SMOC2: variants seen among roughly 807,000 people sequenced by gnomAD.
SMOC2 encodes SPARC related modular calcium binding 2.
Under a neutral mutation model 61.4 loss-of-function variants are expected in SMOC2, and 39 were observed. The observed-to-expected ratio is 0.64, with a 90% confidence interval of 0.49 to 0.83. SMOC2 has a LOEUF of 0.83. SMOC2 is among the 40% of genes least tolerant of loss of function. The pLI is 0.00. For missense variants in SMOC2, 556 were observed against 592.9 expected (o/e 0.94, Z 0.65); for synonymous variants, 247 against 239.9 (o/e 1.03, Z -0.27).
At position 168,496,053 on chromosome 6, in the gene SMOC2, C is replaced by T. The variant is rs947252965; in HGVS notation, c.85-13862C>T. On this transcript the variant is annotated intron_variant, in intron 1 of 12. Transcript: ENST00000356284. ...CTCTGTACTCCCTCCACAAAAGTCTCCAAGCTTCTCATCCTCCTGTAATTA... is the reference window on the plus strand; with the variant it reads ...CTCTGTACTCCCTCCACAAAAGTCTTCAAGCTTCTCATCCTCCTGTAATTA... Among the ~76,000 whole-genome samples the T allele has an allele frequency of 3.9e-5, 6 of 152,232 alleles. No homozygotes were observed. The East Asian group carries it at 1.2e-3, about 29-fold the overall frequency.
intron 1 of SMOC2, among the ~76,000 whole-genome samples, chr6:168,500,608 C>T (rs905852433): frequency 4.6e-5 from 7 of 152,078 alleles, no homozygotes; most frequent in East Asian, 1.9e-4. Flanking sequence ...GGTGGCTACG[C>T]GAATGTGGCT....
intron 7 of SMOC2, among the ~76,000 whole-genome samples, chr6:168,584,724 C>T (rs1785007629): frequency 6.6e-6 from 1 of 152,176 alleles, no homozygotes; most frequent in Non-Finnish European, 1.5e-5. Flanking sequence ...TTACTAGGAG[C>T]ACTTTTTCAG....
At chr6:168,613,903 C>A (rs1473210931) in intron 9 of SMOC2, among the ~76,000 whole-genome samples, 1 of 87,628 alleles carries the variant, frequency 1.1e-5, no homozygotes, top group Non-Finnish European at 2.3e-5. Context: ...ACACCTACAG[C>A]CAGCACAGGG....
chr6:168,478,210 G>A (rs751397959), intron 1 of SMOC2, among the ~76,000 whole-genome samples: 1 of 152,164 alleles, frequency 6.6e-6, no homozygotes, highest in Non-Finnish European at 1.5e-5. Context: ...AAGACCTAAA[G>A]TCCTCTTGGG....
chr6:168,650,861 A>G, intron 10 of SMOC2, 78 bp downstream of exon 10: 1 of 1,320,792 alleles, frequency 7.6e-7, no homozygotes, highest in Non-Finnish European at 1.0e-6. Context: ...TGAACATTAC[A>G]TATTGGCAAC....
At chr6:168,559,754 CG>C (rs1348716483) in intron 7 of SMOC2, among the ~76,000 whole-genome samples, 3 of 152,112 alleles carry the variant, frequency 2.0e-5, no homozygotes, top group Admixed American at 6.6e-5. Context: ...GAGCAATTAA[CG>C]ATTTATCTCG....
At chr6:168,519,600 C>G (rs1459474579) in intron 2 of SMOC2, among the ~76,000 whole-genome samples, 2 of 152,126 alleles carry the variant, frequency 1.3e-5, no homozygotes, top group Non-Finnish European at 1.5e-5. Flanking sequence ...CATCGCACAT[C>G]CAAAGGGCCT....
At chr6:168,615,616 C>T (rs866503878) in intron 9 of SMOC2, among the ~76,000 whole-genome samples, 20 of 80,884 alleles carry the variant, frequency 2.5e-4, no homozygotes, top group African/African-American at 7.1e-4. Flanking sequence ...GGCCTCTTCA[C>T]ACCTACAGCC....
In SMOC2 at chr6:168,664,075, C is replaced by A. The variant is rs776360382; in HGVS notation, c.1287C>A (p.Thr429=). The A allele has an allele frequency of 1.2e-6, 2 of 1,603,626 alleles. No homozygotes were observed. Among genetic ancestry groups the A allele is most frequent in the Admixed American group, 3.3e-5 (2 of 59,814 alleles). ...AATATCTTTTTTTTTTCCTGCTAGC[C>A]CCCAGAGGTCATGCTGAAAGTACGT... is the stretch of plus-strand genomic sequence containing the variant. ...DGKADTKKRH[T]PRGHAESTSN... Residue 429 remains threonine, a splice_region_variant and synonymous_variant, in exon 12 of 13, where the codon ACC becomes ACA. Transcript: ENST00000356284.
At chr6:168,551,372 C>A (rs1483747377) in intron 7 of SMOC2, among the ~76,000 whole-genome samples, 1 of 152,036 alleles carries the variant, frequency 6.6e-6, no homozygotes, top group East Asian at 1.9e-4. Context: ...ATGTTAGCAC[C>A]TAAACTTAAT....
At chr6:168,491,935 C>T (rs1262341413) in intron 1 of SMOC2, among the ~76,000 whole-genome samples, 2 of 152,144 alleles carry the variant, frequency 1.3e-5, no homozygotes, top group South Asian at 2.1e-4. Context: ...TAACCATTTT[C>T]GAGCCACCCA....
Position 168,650,769 on chromosome 6 carries a change from C to A in SMOC2, c.996C>A (p.Ser332=). The change falls in exon 10 of 13, where the codon TCC becomes TCA. Residue 332 remains serine, a synonymous_variant. Coordinates refer to ENST00000356284, the MANE Select transcript of SMOC2 (RefSeq NM_001166412.2). Reference sequence around the variant, plus strand: ...TGGTCCACGCCGCCTCCGACCCCTCCTCCTCGTCAGGCAGGTACGCTGTGT... The same window carrying A: ...TGGTCCACGCCGCCTCCGACCCCTCATCCTCGTCAGGCAGGTACGCTGTGT... The part of the protein sequence containing the change: ...TDMVHAASDP[S]SSSGRLSEPD... 6.2e-7 allele frequency: 1 copy of A among 1,611,774 alleles called. No homozygotes were observed. The highest frequency in any genetic ancestry group is 1.1e-5 in the South Asian group (1 of 90,962).
In SMOC2 at chr6:168,453,261, G is replaced by C. The variant is rs1482064646; in HGVS notation, c.84+11807G>C. Among the ~76,000 whole-genome samples, 2 of 152,184 alleles carry C rather than the reference G, an allele frequency of 1.3e-5. No individual in the cohort carries two copies. The highest frequency in any genetic ancestry group is 4.8e-5 in the African/African-American group (2 of 41,448). ...CAGGGCTGTGCCCCAAGAGGGTGTGGGGCAGCCAGGGGGTGTGGTGGCCTC... is the reference window on the plus strand; with the variant it reads ...CAGGGCTGTGCCCCAAGAGGGTGTGCGGCAGCCAGGGGGTGTGGTGGCCTC... On this transcript the variant is annotated intron_variant, in intron 1 of 12. Transcript: ENST00000356284. The surrounding 1 kb of genome is among the most constrained non-coding windows in gnomAD (Gnocchi z 4.4).
intron 4 of SMOC2, among the ~76,000 whole-genome samples, chr6:168,529,335 G>T (rs1029735076): frequency 1.3e-5 from 2 of 152,196 alleles, no homozygotes; most frequent in Admixed American, 6.5e-5. Context: ...GAAGCCAGGC[G>T]TGCGAGATGA....
At chr6:168,616,425 G>A (rs533271400) in intron 9 of SMOC2, among the ~76,000 whole-genome samples, 1 of 152,306 alleles carries the variant, frequency 6.6e-6, no homozygotes, top group African/African-American at 2.4e-5. Flanking sequence ...GTCTGTGAGA[G>A]AGGATTTTTA....
intron 1 of SMOC2, among the ~76,000 whole-genome samples, chr6:168,486,728 C>T (rs1267123792): frequency 6.6e-6 from 1 of 151,826 alleles, no homozygotes; most frequent in African/African-American, 2.4e-5. Flanking sequence ...TGTTTGTTCA[C>T]ATTCTATTGT....
At chr6:168,472,050 G>T (rs2115014391) in intron 1 of SMOC2, among the ~76,000 whole-genome samples, 1 of 152,308 alleles carries the variant, frequency 6.6e-6, no homozygotes, top group East Asian at 1.9e-4. Context: ...TTTACATTTT[G>T]ATGCAGTCCA....
intron 9 of SMOC2, among the ~76,000 whole-genome samples, chr6:168,639,712 T>G (rs914282650): frequency 1.3e-5 from 2 of 151,666 alleles, no homozygotes; most frequent in Non-Finnish European, 2.9e-5. Flanking sequence ...CATCATCAGG[T>G]GGACCAGAGT....
At chr6:168,458,556 G>C (rs886915801) in intron 1 of SMOC2, among the ~76,000 whole-genome samples, 2 of 152,170 alleles carry the variant, frequency 1.3e-5, no homozygotes, top group Non-Finnish European at 2.9e-5. Flanking sequence ...TGTGATGTTG[G>C]TGTGTCCTTG....
Sources: gnomAD v4.1 joint callset for allele counts (sites outside exome capture counted in the v4.1 genomes callset) on GRCh38, gnomAD v4.1.1 for gene constraint, Gnocchi (gnomAD v3.1) non-coding constraint, MANE v1.5 for transcripts, NCBI Gene and HGNC (gene_info 2026-07-23, HGNC 2026-07-21) for gene names.